GAB2: variants seen among roughly 807,000 people sequenced by gnomAD.
GAB2 encodes GRB2 associated binding protein 2.
GAB2 carries 26 observed loss-of-function variants against 65.5 expected under a neutral mutation model. That is an observed-to-expected ratio of 0.40 (90% confidence interval 0.29 to 0.55). The LOEUF (loss-of-function observed/expected upper bound fraction) is 0.55, where lower values mean the gene tolerates loss of function less well. Ranked by LOEUF, GAB2 falls within the 20% of genes least tolerant of loss-of-function variation. GAB2 has a pLI of 0.53. For synonymous variants in GAB2, 321 were observed against 329.6 expected (o/e 0.97, Z 0.28); for missense variants, 884 against 875.8 (o/e 1.01, Z -0.12).
intron 1 of GAB2, among the ~76,000 whole-genome samples, chr11:78,330,038 T>C (rs1354171460): frequency 1.3e-5 from 2 of 152,366 alleles, no homozygotes; most frequent in East Asian, 3.9e-4. Context: ...GACGTTTGAT[T>C]GTTTTATGCG....
chr11:78,339,886 C>T (rs546616828), intron 1 of GAB2, among the ~76,000 whole-genome samples: 1 of 152,324 alleles, frequency 6.6e-6, no homozygotes, highest in South Asian at 2.1e-4. Flanking sequence ...AGGCCCCTTC[C>T]AACCACAAAA....
At chr11:78,291,561 C>CTTTTTT (rs1163199130) in intron 1 of GAB2, among the ~76,000 whole-genome samples, 249 of 80,844 alleles carry the variant, frequency 3.1e-3, no homozygotes, top group East Asian at 0.022. Flanking sequence ...TTTTCTTTTT[C>CTTTTTT]TTTTTTTTTT....
chr11:78,301,340 T>TTC (rs2134626426), intron 1 of GAB2, among the ~76,000 whole-genome samples: 1 of 151,484 alleles, frequency 6.6e-6, no homozygotes, highest in South Asian at 2.1e-4. Flanking sequence ...GTTTTTTGTT[T>TTC]TTTTTTTGAG....
intron 1 of GAB2, among the ~76,000 whole-genome samples, chr11:78,328,215 A>G (rs1399553926): frequency 6.6e-6 from 1 of 152,226 alleles, no homozygotes; most frequent in African/African-American, 2.4e-5. Context: ...ATCCTGGGTC[A>G]ATAATCTCAA....
chr11:78,232,136 A>G (rs1207564974), intron 3 of GAB2, among the ~76,000 whole-genome samples: 2 of 152,264 alleles, frequency 1.3e-5, no homozygotes, highest in Non-Finnish European at 2.9e-5. Flanking sequence ...TGGTCAGTCA[A>G]TCAAAGCCTC....
At chr11:78,222,830 G>A (rs776562092) in intron 6 of GAB2, among the ~76,000 whole-genome samples, 71 of 152,250 alleles carry the variant, frequency 4.7e-4, no homozygotes, top group Non-Finnish European at 8.5e-4. Flanking sequence ...TGATCCACTC[G>A]CCTCAGCCTC....
intron 1 of GAB2, among the ~76,000 whole-genome samples, chr11:78,405,299 T>A (rs1857029199): frequency 6.6e-6 from 1 of 152,050 alleles, no homozygotes; most frequent in Non-Finnish European, 1.5e-5. Context: ...GGGGTTTCGC[T>A]GTGTTAGCCA....
At chr11:78,283,079 C>G (rs919244389) in intron 1 of GAB2, among the ~76,000 whole-genome samples, 15 of 152,214 alleles carry the variant, frequency 9.9e-5, no homozygotes, top group Non-Finnish European at 2.1e-4. Flanking sequence ...GCCCAACAAT[C>G]CTACTATATT....
At chr11:78,291,363 G>A (rs952648607) in intron 1 of GAB2, among the ~76,000 whole-genome samples, 1 of 150,770 alleles carries the variant, frequency 6.6e-6, no homozygotes, top group Non-Finnish European at 1.5e-5. Context: ...CTACTCGGGA[G>A]GCTGAGGCAG....
intron 2 of GAB2, among the ~76,000 whole-genome samples, chr11:78,263,471 A>C (rs1211713559): frequency 6.6e-6 from 1 of 152,022 alleles, no homozygotes; most frequent in African/African-American, 2.4e-5. Context: ...ATCTCTACTA[A>C]AAATACAAAA....
At chr11:78,279,389 T>TCTTA (rs1432427243) in intron 2 of GAB2, among the ~76,000 whole-genome samples, 2 of 152,150 alleles carry the variant, frequency 1.3e-5, no homozygotes, top group African/African-American at 4.8e-5. Flanking sequence ...ACGAACCTGG[T>TCTTA]CTTACATCTA....
intron 1 of GAB2, among the ~76,000 whole-genome samples, chr11:78,319,377 T>G (rs1855679061): frequency 6.6e-6 from 1 of 152,222 alleles, no homozygotes; most frequent in African/African-American, 2.4e-5. Flanking sequence ...TGCCCAATAA[T>G]TCTCATTTCT....
At chr11:78,396,464 G>T (rs1411180773) in intron 1 of GAB2, among the ~76,000 whole-genome samples, 1 of 152,104 alleles carries the variant, frequency 6.6e-6, no homozygotes, top group Non-Finnish European at 1.5e-5. Context: ...TTTTGGTAAA[G>T]AAATAATTAA....
chr11:78,385,704 A>T (rs2134743730), intron 1 of GAB2, among the ~76,000 whole-genome samples: 1 of 152,326 alleles, frequency 6.6e-6, no homozygotes, highest in African/African-American at 2.4e-5. Context: ...GAAACTCCAC[A>T]GAAGATGGGA....
chr11:78,226,641 G>A lies in GAB2; in HGVS notation c.1031C>T (p.Pro344Leu), dbSNP rs2279374. The A allele has an allele frequency of 3.6e-4, 587 of 1,614,024 alleles. 3 individuals carry two copies. In the East Asian group the frequency reaches 0.012, roughly 33 times the overall value. The stretch of plus-strand genomic sequence containing the variant: ...TGGGGGAGCTATGGCTGAGTCCCCA[G>A]GAGTGGCCACTGTCATGGCATTGTG... ...KNHNAMTVATPGDSAIAPPPR... is the reference protein window; with the variant it reads ...KNHNAMTVATLGDSAIAPPPR... The change falls in exon 4 of 10, where the codon CCT becomes CTT. Residue 344 changes from proline to leucine, a missense_variant. Pro to Leu is a moderately conservative substitution (Grantham distance 98). Transcript: ENST00000361507.
At chr11:78,299,505 G>A (rs1373219563) in intron 1 of GAB2, among the ~76,000 whole-genome samples, 1 of 152,158 alleles carries the variant, frequency 6.6e-6, no homozygotes, top group Non-Finnish European at 1.5e-5. Flanking sequence ...TTTCCCATCT[G>A]GACTAGCCAT....
At chr11:78,351,192 T>C (rs993964829) in intron 1 of GAB2, among the ~76,000 whole-genome samples, 2 of 152,062 alleles carry the variant, frequency 1.3e-5, no homozygotes, top group African/African-American at 2.4e-5. Context: ...AGTACCTGTA[T>C]TCTAGCCCTT....
At chr11:78,377,826 T>A (rs769175087) in intron 1 of GAB2, among the ~76,000 whole-genome samples, 2 of 152,212 alleles carry the variant, frequency 1.3e-5, no homozygotes, top group Non-Finnish European at 2.9e-5. Flanking sequence ...CTTTCTTATT[T>A]TCCCTCCACC....
chr11:78,416,785 A>G (rs1471922296), intron 1 of GAB2, among the ~76,000 whole-genome samples: 1 of 151,664 alleles, frequency 6.6e-6, no homozygotes, highest in South Asian at 2.1e-4. Flanking sequence ...GGGTTAAAAA[A>G]AAAAAAAAAA....
Sources: gnomAD v4.1 joint callset for allele counts (sites outside exome capture counted in the v4.1 genomes callset) on GRCh38, gnomAD v4.1.1 for gene constraint, MANE v1.5 for transcripts, NCBI Gene and HGNC (gene_info 2026-07-23, HGNC 2026-07-21) for gene names.